The following EDEM1 variants were observed in gnomAD, a reference collection of about 807,000 sequenced individuals.
The protein encoded by EDEM1 is ER degradation-enhancing alpha-mannosidase-like protein 1.
In EDEM1, 67 loss-of-function variants were observed where a neutral mutation model predicts 74.4. The observed-to-expected ratio is 0.90, with a 90% CI of 0.74 to 1.10. EDEM1 has a LOEUF of 1.10. EDEM1 is among the 50% of genes least tolerant of loss of function. The pLI is 0.00. For missense variants in EDEM1, 926 were observed against 851.6 expected (o/e 1.09, Z -1.09); for synonymous variants, 382 against 335.9 (o/e 1.14, Z -1.50).
At chr3:5,198,327 C>G (rs1056979369) in intron 2 of EDEM1, among the ~76,000 whole-genome samples, 7 of 152,168 alleles carry the variant, frequency 4.6e-5, no homozygotes, top group African/African-American at 1.7e-4. Context: ...GGCTTACAGA[C>G]CTGAGCCACC....
intron 11 of EDEM1, among the ~76,000 whole-genome samples, chr3:5,214,106 C>CT (rs2106611948): frequency 6.6e-6 from 1 of 152,298 alleles, no homozygotes; most frequent in East Asian, 1.9e-4. Flanking sequence ...TAAAGTGGGG[C>CT]TTTACTCCAC....
intron 8 of EDEM1, 62 bp from the exon 9 acceptor site, chr3:5,210,113 T>G: frequency 7.0e-7 from 1 of 1,437,388 alleles, no homozygotes; most frequent in Non-Finnish European, 9.8e-7. Flanking sequence ...GTCACCATGA[T>G]GTTTGTCGAT....
Position 5,211,176 on chromosome 3 carries a change from A to G in EDEM1, c.1640A>G (p.Glu547Gly). 4 of 1,614,154 alleles carry G rather than the reference A, an allele frequency of 2.5e-6. No individual in the cohort carries two copies. Among genetic ancestry groups the G allele is most frequent in the Non-Finnish European group, 2.5e-6 (3 of 1,179,988 alleles). The change falls in exon 10 of 12, where the codon GAG becomes GGG. Residue 547 changes from glutamate to glycine, a missense_variant. Glu to Gly is a moderately conservative substitution (Grantham distance 98, BLOSUM62 -2). Transcript: ENST00000256497. ...GACAAGTCCACAGAAGACCGGATGG[A>G]GAGCTTCTTTCTCAGTGAGACCTGT... is the stretch of plus-strand genomic sequence containing the variant. ...VIDKSTEDRM[E>G]SFFLSETCKY...
intron 10 of EDEM1, chr3:5,211,495 C>T (rs2055167316): frequency 5.7e-6 from 2 of 351,764 alleles, no homozygotes; most frequent in Non-Finnish European, 5.5e-6. Flanking sequence ...AGTGTTAGTT[C>T]TGTATCTAAC....
In EDEM1 at chr3:5,195,147, A is replaced by C. The variant is rs1575584605; in HGVS notation, c.510-62A>C. On this transcript the variant is annotated intron_variant, in intron 1 of 11. Coordinates refer to ENST00000256497, the MANE Select transcript of EDEM1 (RefSeq NM_014674.3). ...CAATTATAGTTTCTGATGGGTGTTTACTTTTATTGTCTTCTCTTTTGAAAT... is the reference window on the plus strand; with the variant it reads ...CAATTATAGTTTCTGATGGGTGTTTCCTTTTATTGTCTTCTCTTTTGAAAT... The C allele has an allele frequency of 3.0e-6, 3 of 994,466 alleles. No individual in the cohort carries two copies. The East Asian group carries it at 8.4e-5, about 28-fold the overall frequency. 61.6% of individuals were successfully genotyped at this position (994,466 alleles called of 1,614,324 possible). A position where few individuals can be genotyped will look rare whatever the true frequency, so the allele number is the denominator to read the frequency against.
intron 2 of EDEM1, among the ~76,000 whole-genome samples, chr3:5,197,364 A>G (rs2054982409): frequency 6.6e-6 from 1 of 152,220 alleles, no homozygotes; most frequent in Admixed American, 6.5e-5. Flanking sequence ...GAAGTCCTAC[A>G]GTCAAACAAA....
At chr3:5,199,515 G>A (rs1416826746) in intron 2 of EDEM1, 77 bp from the exon 3 acceptor site, 6 of 1,034,334 alleles carry the variant, frequency 5.8e-6, no homozygotes, top group Non-Finnish European at 8.7e-6. Flanking sequence ...TTTAGGTGAC[G>A]TGACTGGGCT....
rs779626468 is a variant in EDEM1, at chr3:5,203,142, A to G, written c.1035A>G (p.Gly345=). 4 of 1,574,848 alleles carry G rather than the reference A, an allele frequency of 2.5e-6. No individual in the cohort carries two copies. Among genetic ancestry groups the G allele is most frequent in the South Asian group, 2.4e-5 (2 of 84,600 alleles). ...GGAACCTCCGGAGCAATGATACAGG[A>G]TTACTAGGTGTGGCACCTTTCCTCG... ...ALWNLRSNDT[G]LLGNVVNIQT... Residue 345 remains glycine (G), a synonymous_variant, in exon 5 of 12, where the codon GGA becomes GGG. Coordinates refer to ENST00000256497, the MANE Select transcript of EDEM1 (RefSeq NM_014674.3).
At chr3:5,211,676 G>GTA (rs1299249884) in intron 10 of EDEM1, among the ~76,000 whole-genome samples, 99 of 151,648 alleles carry the variant, frequency 6.5e-4, no homozygotes, top group Non-Finnish European at 1.3e-3. Flanking sequence ...GTGTGTGTGT[G>GTA]TGTGTGTGTG....
chr3:5,194,791 G>A (rs1575584446), intron 1 of EDEM1, among the ~76,000 whole-genome samples: 1 of 152,312 alleles, frequency 6.6e-6, no homozygotes, highest in East Asian at 1.9e-4. Context: ...TATAGGCTGT[G>A]GTGTCTAATT....
chr3:5,206,537 T>C (rs191907002), intron 6 of EDEM1, among the ~76,000 whole-genome samples: 2 of 152,296 alleles, frequency 1.3e-5, no homozygotes, highest in East Asian at 3.9e-4. Flanking sequence ...ATTTCTATGT[T>C]AAGTGTCCAG....
chr3:5,199,794 A>G, intron 3 of EDEM1, 99 bp downstream of exon 3: 5 of 936,688 alleles, frequency 5.3e-6, no homozygotes, highest in Non-Finnish European at 6.4e-6. Flanking sequence ...TGATCCAGGC[A>G]GGGAGTCCAT....
chr3:5,207,044 A>C, intron 6 of EDEM1, 109 bp from the exon 7 acceptor site: 1 of 1,481,010 alleles, frequency 6.8e-7, no homozygotes. Flanking sequence ...GTTAGGAGAA[A>C]AAATTAATGT....
At position 5,189,834 on chromosome 3, in the gene EDEM1, C is replaced by A. The variant is rs2054878707; in HGVS notation, c.509+1520C>A. On this transcript the variant is annotated intron_variant, in intron 1 of 11. Coordinates refer to ENST00000256497, the MANE Select transcript of EDEM1 (RefSeq NM_014674.3). ...CCAGGATGGTCTCATCTCCTGACCT[C>A]GTGATCCACCCGCCTGGGCCTCCCA... is the stretch of plus-strand genomic sequence containing the variant. Among the ~76,000 whole-genome samples the A allele has an allele frequency of 3.3e-5, 5 of 152,202 alleles. No homozygotes were observed. In the South Asian group the frequency reaches 1.0e-3, roughly 32 times the overall value.
chr3:5,194,612 C>G (rs781128088), intron 1 of EDEM1, among the ~76,000 whole-genome samples: 6 of 152,088 alleles, frequency 3.9e-5, no homozygotes, highest in African/African-American at 1.4e-4. Flanking sequence ...CAATTCCTGC[C>G]TAGGTTCATG....
rs1170330597 is a variant in EDEM1 at position 5,203,288 on chromosome 3, CT to C, written c.1042+142del. Reference sequence around the variant, plus strand: ...GAATTGTGTCAGCTCTATCTAATTTCTTTATGTGACCCTTTGCAGAGAGGCT... The same window carrying C: ...GAATTGTGTCAGCTCTATCTAATTTCTTATGTGACCCTTTGCAGAGAGGCT... On this transcript the variant is annotated intron_variant, in intron 5 of 11. Transcript: ENST00000256497. The C allele has an allele frequency of 3.0e-5, 26 of 866,598 alleles. No individual in the cohort carries two copies. In the African/African-American group the frequency reaches 3.5e-4, roughly 12 times the overall value. 53.7% of individuals were successfully genotyped at this position (866,598 alleles called of 1,614,324 possible).
At chr3:5,215,394 T>G (rs1434810186) in intron 11 of EDEM1, among the ~76,000 whole-genome samples, 1 of 152,168 alleles carries the variant, frequency 6.6e-6, no homozygotes, top group Non-Finnish European at 1.5e-5. Flanking sequence ...TATTTTCAAG[T>G]AGCAGAAATG....
chr3:5,194,966 G>A (rs1189916699), intron 1 of EDEM1: 1 of 307,556 alleles, frequency 3.3e-6, no homozygotes, highest in African/African-American at 2.2e-5. Context: ...CTGACTTCCT[G>A]TGAGCATTCT....
In EDEM1 at chr3:5,187,872, C is replaced by T. The variant is rs374069027; in HGVS notation, c.67C>T (p.Leu23Phe). Residue 23 changes from leucine to phenylalanine, a missense_variant, in exon 1 of 12, where the codon CTC becomes TTC. By Grantham distance (22) the Leu-to-Phe change is conservative. Coordinates refer to ENST00000256497, the MANE Select transcript of EDEM1 (RefSeq NM_014674.3). ...GCTTGGCCTCCATGGAGTATTGTGG[C>T]TCGTCTTCGGGCTGGGGCCCAGCAT... The part of the protein sequence containing the change: ...LRLGLHGVLW[L>F]VFGLGPSMGF... 2 of 1,599,742 alleles carry T rather than the reference C, an allele frequency of 1.3e-6. No homozygotes were observed. Among genetic ancestry groups the T allele is most frequent in the Non-Finnish European group, 1.7e-6 (2 of 1,174,664 alleles).
Sources: allele counts gnomAD v4.1 joint callset (sites outside exome capture counted in the v4.1 genomes callset), GRCh38; gene constraint gnomAD v4.1.1; transcripts MANE v1.5; gene names NCBI Gene and HGNC (gene_info 2026-07-23, HGNC 2026-07-21).